The following FAM13C variants were observed in gnomAD, a reference collection of about 807,000 sequenced individuals.
The protein encoded by FAM13C is protein FAM13C.
Under a neutral mutation model 73.2 loss-of-function variants are expected in FAM13C, and 37 were observed. That is an observed-to-expected ratio of 0.51 (90% CI 0.39 to 0.67). The LOEUF (loss-of-function observed/expected upper bound fraction) is 0.67. FAM13C is among the 30% of genes least tolerant of loss of function. The probability of loss-of-function intolerance (pLI) is 0.00; values close to 1 mark genes in which losing one functional copy is unlikely to be tolerated. For missense variants in FAM13C, 589 were observed against 715.6 expected (o/e 0.82, Z 2.02); for synonymous variants, 246 against 260.9 (o/e 0.94, Z 0.55).
chr10:59,360,928 C>G (rs1203326345), intron 1 of FAM13C: 2 of 795,690 alleles, frequency 2.5e-6, no homozygotes, highest in Non-Finnish European at 1.9e-6. Context: ...ACCTGCCGTG[C>G]CTGTGACTGA....
upstream of FAM13C, chr10:59,363,082 T>C (rs1856586845): frequency 6.4e-6 from 1 of 157,276 alleles, no homozygotes; most frequent in South Asian, 2.0e-4. Flanking sequence ...AAGAATAGGC[T>C]CTAAAGCAGG....
chr10:59,344,366 C>CGGAA (rs1853983440), intron 3 of FAM13C, among the ~76,000 whole-genome samples: 3 of 151,196 alleles, frequency 2.0e-5, no homozygotes, highest in Admixed American at 2.0e-4. Context: ...GCAAGTTCCG[C>CGGAA]CCCCCAGGTT....
At chr10:59,268,207 A>G (rs978145040) in intron 8 of FAM13C, among the ~76,000 whole-genome samples, 23 of 145,902 alleles carry the variant, frequency 1.6e-4, no homozygotes, top group Admixed American at 2.7e-4. Context: ...AGAAAAAGTG[A>G]AAAAAAAAGA....
At chr10:59,333,941 T>A (rs1237650823) in intron 3 of FAM13C, among the ~76,000 whole-genome samples, 2 of 152,222 alleles carry the variant, frequency 1.3e-5, no homozygotes, top group African/African-American at 4.8e-5. Flanking sequence ...GTCCAACTGT[T>A]CTGACAAAAT....
rs1352751269 is a variant in FAM13C at position 59,352,428 on chromosome 10, C to T, written c.166G>A (p.Glu56Lys). 1 of 1,613,596 alleles carries T rather than the reference C, an allele frequency of 6.2e-7. No individual in the cohort carries two copies. The highest frequency in any genetic ancestry group is 8.5e-7 in the Non-Finnish European group (1 of 1,179,926). ...TCCCAAGAGGGCGGCGCGTGCTCTT[C>T]TACCAGAGCCCCTGCGTCGGGGTAG... ...ENYPDAGALV[E>K]EHAPPSWEPQ... is the part of the protein sequence containing the mutation. Residue 56 changes from glutamate (E) to lysine (K), a missense_variant, in exon 3 of 14, where the codon GAA becomes AAA. Physicochemically the swap from Glu to Lys is moderately conservative, Grantham distance 56. Transcript: ENST00000618804.
chr10:59,326,305 A>G (rs149543919), intron 3 of FAM13C, among the ~76,000 whole-genome samples: 77 of 152,274 alleles, frequency 5.1e-4, no homozygotes, highest in African/African-American at 1.7e-3. Context: ...CAAATGGGGA[A>G]AAGAGTGGCA....
intron 4 of FAM13C, among the ~76,000 whole-genome samples, chr10:59,321,634 A>C (rs1407588037): frequency 6.6e-6 from 1 of 152,022 alleles, no homozygotes; most frequent in Non-Finnish European, 1.5e-5. Context: ...TCATAAATAC[A>C]TAAAGGCTCC....
intron 5 of FAM13C, 124 bp from the exon 6 acceptor site, chr10:59,283,571 C>A: frequency 1.1e-6 from 1 of 894,738 alleles, no homozygotes; most frequent in South Asian, 1.3e-5. Flanking sequence ...AACAGTGTGT[C>A]CGCAGCTCCC....
rs925521339 is a variant in FAM13C at position 59,359,699 on chromosome 10, G to T, written c.62+2700C>A. Among the ~76,000 whole-genome samples the T allele has an allele frequency of 2.0e-5, 3 of 152,174 alleles. No homozygotes were observed. In the South Asian group the frequency reaches 6.2e-4, roughly 31 times the overall value. On this transcript the variant is annotated intron_variant, in intron 1 of 13. Coordinates refer to ENST00000618804, the MANE Select transcript of FAM13C (RefSeq NM_198215.4). The stretch of plus-strand genomic sequence containing the variant: ...ACTATGTTTCTAAACATTTAACACT[G>T]ACCTAAAGGTTTCCAAACCCCAAAA...
chr10:59,322,727 G>GT (rs1850491094), intron 4 of FAM13C, among the ~76,000 whole-genome samples: 1 of 152,144 alleles, frequency 6.6e-6, no homozygotes, highest in Non-Finnish European at 1.5e-5. Context: ...GGGAATAATA[G>GT]TTGACTTTCT....
chr10:59,304,078 G>A (rs1043884783), intron 4 of FAM13C, among the ~76,000 whole-genome samples: 8 of 152,278 alleles, frequency 5.3e-5, no homozygotes, highest in African/African-American at 1.9e-4. Flanking sequence ...AACCTGGGAG[G>A]CGGAGGTTGC....
intron 4 of FAM13C, among the ~76,000 whole-genome samples, chr10:59,320,888 G>C (rs959149097): frequency 6.6e-6 from 1 of 152,190 alleles, no homozygotes; most frequent in Non-Finnish European, 1.5e-5. Flanking sequence ...TAATGAGGCA[G>C]CTTTAGGCCA....
chr10:59,264,258 A>G (rs1842802741), intron 8 of FAM13C, 92 bp from the exon 9 acceptor site: 2 of 829,590 alleles, frequency 2.4e-6, no homozygotes, highest in Non-Finnish European at 4.0e-6. Context: ...AAATTTTTAA[A>G]CAGATGAGCT....
chr10:59,326,676 T>C (rs772232697), intron 3 of FAM13C, among the ~76,000 whole-genome samples: 23 of 152,130 alleles, frequency 1.5e-4, no homozygotes, highest in Non-Finnish European at 2.4e-4. Context: ...CATTATCTCC[T>C]TATGGAAGGA....
At chr10:59,325,138 T>C (rs1850919892) in intron 3 of FAM13C, among the ~76,000 whole-genome samples, 1 of 152,116 alleles carries the variant, frequency 6.6e-6, no homozygotes, top group African/African-American at 2.4e-5. Context: ...TACAGGCAAA[T>C]TATTCAAGCA....
intron 4 of FAM13C, among the ~76,000 whole-genome samples, chr10:59,320,159 T>C (rs1265895543): frequency 3.9e-5 from 6 of 152,222 alleles, no homozygotes; most frequent in Non-Finnish European, 8.8e-5. Flanking sequence ...CAGCTAGTTG[T>C]TGCCTTGGAG....
intron 6 of FAM13C, among the ~76,000 whole-genome samples, chr10:59,273,435 C>T (rs1437705910): frequency 6.6e-6 from 1 of 152,012 alleles, no homozygotes; most frequent in Non-Finnish European, 1.5e-5. Context: ...AAATAAGAAC[C>T]AATATATCCC....
intron 1 of FAM13C, among the ~76,000 whole-genome samples, chr10:59,357,342 C>A (rs1185808068): frequency 6.6e-6 from 1 of 152,108 alleles, no homozygotes; most frequent in Non-Finnish European, 1.5e-5. Flanking sequence ...CACTTGTAAA[C>A]CTTTGTACCA....
intron 1 of FAM13C, among the ~76,000 whole-genome samples, chr10:59,359,571 A>C (rs992057610): frequency 6.6e-6 from 1 of 152,206 alleles, no homozygotes; most frequent in African/African-American, 2.4e-5. Flanking sequence ...CACTACCTGA[A>C]GTACCTGGTC....
Sources: allele counts gnomAD v4.1 joint callset (sites outside exome capture counted in the v4.1 genomes callset), GRCh38; gene constraint gnomAD v4.1.1; transcripts MANE v1.5; gene names NCBI Gene and HGNC (gene_info 2026-07-23, HGNC 2026-07-21).